The following KNTC1 variants were observed in gnomAD, a reference collection of about 807,000 sequenced individuals.
The protein encoded by KNTC1 is kinetochore associated 1, also known as kinetochore-associated protein 1.
KNTC1 carries 253 observed loss-of-function variants against 314.4 expected under a neutral mutation model. That is an observed-to-expected ratio of 0.80 (90% CI 0.73 to 0.89). The LOEUF (loss-of-function observed/expected upper bound fraction) is 0.89. Ranked by LOEUF, KNTC1 falls within the 40% of genes least tolerant of loss-of-function variation. KNTC1 has a pLI of 0.00. For missense variants in KNTC1, 2,475 were observed against 2,572.9 expected, an observed-to-expected ratio of 0.96 and a Z score of 0.82; for synonymous variants, 901 against 901.4, an observed-to-expected ratio of 1.00 and a Z score of 0.01.
In KNTC1 at chr12:122,597,918, C is replaced by T; in HGVS notation, c.4543C>T (p.Leu1515Phe). ...LTSTKDLVIS[L>F]SGILHKLDPY... Reference sequence around the variant, plus strand: ...GAGCACAAAAGATTTGGTCATCAGTCTTAGTGGAATACTACATAAGGTAGA... The same window carrying T: ...GAGCACAAAAGATTTGGTCATCAGTTTTAGTGGAATACTACATAAGGTAGA... Residue 1515 changes from leucine to phenylalanine, a missense_variant, in exon 44 of 64, where the codon CTT (leucine) becomes TTT (phenylalanine). Leu to Phe is a conservative substitution (Grantham distance 22). Transcript: ENST00000333479. 1 of 1,613,908 alleles carries T rather than the reference C, an allele frequency of 6.2e-7. No individual in the cohort carries two copies. The highest frequency in any genetic ancestry group is 8.5e-7 in the Non-Finnish European group (1 of 1,179,788).
At chr12:122,588,229 A>G (rs1334468215) in intron 39 of KNTC1, among the ~76,000 whole-genome samples, 2 of 152,236 alleles carry the variant, frequency 1.3e-5, no homozygotes, top group Admixed American at 6.5e-5. Context: ...TGGTCAAAAT[A>G]TCTGCTGTTT....
chr12:122,602,869 A>G lies in KNTC1; in HGVS notation c.4866A>G (p.Leu1622=), dbSNP rs752968741. 1.9e-6 allele frequency: 3 copies of G among 1,609,424 alleles called. No individual in the cohort carries two copies. Among genetic ancestry groups the G allele is most frequent in the Non-Finnish European group, 2.6e-6 (3 of 1,176,056 alleles). Residue 1622 remains leucine (L), a synonymous_variant, in exon 47 of 64, where the codon TTA becomes TTG. Coordinates refer to ENST00000333479, the MANE Select transcript of KNTC1 (RefSeq NM_014708.6). ...AAGAATCTTTCCCAACATTGCTCTT[A>G]ATTTCGAAATTAATGAAGGTAATGG... ...LSEESFPTLL[L]ISKLMKFSLD... is the part of the protein sequence containing the mutation.
At position 122,579,582 on chromosome 12, in the gene KNTC1, A is replaced by G. The variant is rs188004260; in HGVS notation, c.2842-323A>G. Among the ~76,000 whole-genome samples the G allele has an allele frequency of 1.0e-2, 1,424 of 142,730 alleles. 19 individuals are homozygous for G. Among genetic ancestry groups the G allele is most frequent in the African/African-American group, 0.042 (1,375 of 32,530 alleles). The allele number at this position is 142,730 out of a possible 152,430, so 93.6% of individuals were successfully genotyped here. On this transcript the variant is annotated intron_variant, in intron 31 of 63. Transcript: ENST00000333479. ...TCTCTAGGCCATTTTTTAGACTTCT[A>G]TTCTTTTTAACTTTTCCAAATGTTT...
intron 62 of KNTC1, among the ~76,000 whole-genome samples, chr12:122,624,233 T>C (rs952936933): frequency 1.4e-4 from 22 of 152,032 alleles, no homozygotes; most frequent in Non-Finnish European, 2.8e-4. Flanking sequence ...GATTGGTCTT[T>C]ACATTTTAAT....
intron 44 of KNTC1, among the ~76,000 whole-genome samples, chr12:122,600,652 G>C (rs1205538391): frequency 6.6e-6 from 1 of 151,608 alleles, no homozygotes; most frequent in East Asian, 1.9e-4. Context: ...TATGCTTTTA[G>C]TATCTTAAGA....
At chr12:122,548,504 C>G (rs1364777296) in intron 12 of KNTC1, among the ~76,000 whole-genome samples, 1 of 152,034 alleles carries the variant, frequency 6.6e-6, no homozygotes, top group East Asian at 1.9e-4. Context: ...GCCACTGCGC[C>G]CGGCCCAGGA....
chr12:122,586,071 G>GTTTGT (rs140077437), intron 37 of KNTC1, among the ~76,000 whole-genome samples: 2 of 102,442 alleles, frequency 2.0e-5, no homozygotes, highest in Non-Finnish European at 4.3e-5. Context: ...TTTTTTGTGT[G>GTTTGT]TTTGTTTTGT....
At chr12:122,613,401 A>G (rs576557222) in intron 54 of KNTC1, 171 bp downstream of exon 54, 1 of 655,682 alleles carries the variant, frequency 1.5e-6, no homozygotes, top group Admixed American at 3.2e-5. Context: ...GGCTTTGAGA[A>G]CATCTTGTTT....
chr12:122,589,776 A>ATTTTTTTTTT (rs375169727), intron 40 of KNTC1, among the ~76,000 whole-genome samples: 4 of 94,594 alleles, frequency 4.2e-5, no homozygotes, highest in East Asian at 3.2e-4. Flanking sequence ...GGGCCCCCCA[A>ATTTTTTTTTT]TTTTTTTTTT....
intron 8 of KNTC1, among the ~76,000 whole-genome samples, chr12:122,545,204 A>T (rs768088894): frequency 6.6e-6 from 1 of 152,198 alleles, no homozygotes; most frequent in Non-Finnish European, 1.5e-5. Context: ...ACTCAGTATA[A>T]TTACGTTTAC....
Position 122,530,178 on chromosome 12 carries a change from ATC to A in KNTC1, c.119_120del (p.Ser40PhefsTer2), listed in dbSNP as rs1961197790. 2 of 1,613,348 alleles carry A rather than the reference ATC, an allele frequency of 1.2e-6. No homozygotes were observed. The highest frequency in any genetic ancestry group is 4.5e-5 in the East Asian group (2 of 44,850). On this transcript the variant is annotated frameshift_variant, in exon 2 of 64. Transcript: ENST00000333479. LOFTEE classifies it high-confidence loss of function. Reference protein sequence around the residue: ...ALYQVDLLVKISSEKASLNPK... With the variant: ...ALYQVDLLVKXSSEKASLNPK... The stretch of plus-strand genomic sequence containing the variant: ...ATATCAAGTAGATTTGCTAGTGAAG[ATC>A]TCTTCTGAAAAGGTAGTGATTATTA...
intron 22 of KNTC1, 99 bp from the exon 23 acceptor site, chr12:122,570,777 C>A (rs562108446): frequency 1.2e-6 from 1 of 843,442 alleles, no homozygotes; most frequent in Non-Finnish European, 1.9e-6. Flanking sequence ...GGTTTATGGA[C>A]AAAATAAATA....
chr12:122,555,062 T>C lies in KNTC1; in HGVS notation c.1273-2322T>C, dbSNP rs184545758. ...CTTGTCTCTAAACAGACAAACAAAA[T>C]CGACTCTGTAACTTTTGGACTGCAT... On this transcript the variant is annotated intron_variant, in intron 16 of 63. Coordinates refer to ENST00000333479, the MANE Select transcript of KNTC1 (RefSeq NM_014708.6). 2.3e-3 allele frequency among the ~76,000 whole-genome samples: 347 copies of C among 152,144 alleles called. 1 individual carries two copies. Among genetic ancestry groups the C allele is most frequent in the African/African-American group, 7.9e-3 (326 of 41,528 alleles).
At chr12:122,543,684 T>TA in intron 7 of KNTC1, 50 bp downstream of exon 7, 11 of 1,129,854 alleles carry the variant, frequency 9.7e-6, no homozygotes, top group Middle Eastern at 2.4e-4. Context: ...CATTTAATAT[T>TA]AATGTAGTAG....
At chr12:122,587,292 C>A (rs965048114) in intron 38 of KNTC1, among the ~76,000 whole-genome samples, 1 of 152,058 alleles carries the variant, frequency 6.6e-6, no homozygotes, top group African/African-American at 2.4e-5. Context: ...AACAAAAAAT[C>A]GTAGTTCTAG....
chr12:122,578,702 G>C (rs1187672774), intron 31 of KNTC1, among the ~76,000 whole-genome samples: 1 of 152,122 alleles, frequency 6.6e-6, no homozygotes, highest in Non-Finnish European at 1.5e-5. Flanking sequence ...TTACAGGTGT[G>C]AGCCACCACA....
chr12:122,569,952 G>T lies in KNTC1; in HGVS notation c.1860+128G>T, dbSNP rs750687206. The T allele has an allele frequency of 2.4e-4, 178 of 754,956 alleles. 1 individual carries two copies. Among genetic ancestry groups the T allele is most frequent in the Non-Finnish European group, 3.6e-4 (172 of 478,604 alleles). 46.8% of individuals were successfully genotyped at this position (754,956 alleles called of 1,614,324 possible). A position where few individuals can be genotyped will look rare whatever the true frequency, so the allele number is the denominator to read the frequency against. On this transcript the variant is annotated intron_variant, in intron 22 of 63. Coordinates refer to ENST00000333479, the MANE Select transcript of KNTC1 (RefSeq NM_014708.6). ...TAAGCTAACACCTGTGTTAATTAAA[G>T]TGTCTCTTAAAAGACAACTGTGATT...
Position 122,530,196 on chromosome 12 carries a change from G to A in KNTC1, c.129+4G>A, listed in dbSNP as rs1374067599. The A allele has an allele frequency of 3.1e-6, 5 of 1,612,184 alleles. No individual in the cohort carries two copies. The South Asian group carries it at 5.5e-5, about 18-fold the overall frequency. On this transcript the variant is annotated splice_donor_region_variant and intron_variant, in intron 2 of 63. Coordinates refer to ENST00000333479, the MANE Select transcript of KNTC1 (RefSeq NM_014708.6). ...AGTGAAGATCTCTTCTGAAAAGGTA[G>A]TGATTATTACACTGACTGTTTCATT...
intron 41 of KNTC1, 135 bp from the exon 42 acceptor site, chr12:122,591,202 G>T: frequency 1.5e-6 from 1 of 648,960 alleles, no homozygotes; most frequent in South Asian, 1.8e-5. Context: ...AGTAACGACT[G>T]TGTACAAAAT....
Sources: allele counts gnomAD v4.1 joint callset (sites outside exome capture counted in the v4.1 genomes callset), GRCh38; gene constraint gnomAD v4.1.1; transcripts MANE v1.5; gene names NCBI Gene and HGNC (gene_info 2026-07-23, HGNC 2026-07-21).